NAALADL2: variants seen among roughly 807,000 people sequenced by gnomAD.
NAALADL2 encodes the protein inactive N-acetylated-alpha-linked acidic dipeptidase-like protein 2.
Under a neutral mutation model 87.2 loss-of-function variants are expected in NAALADL2, and 76 were observed. The observed-to-expected ratio is 0.87, with a 90% CI of 0.72 to 1.05. The LOEUF (loss-of-function observed/expected upper bound fraction) is 1.05. NAALADL2 is among the 50% of genes least tolerant of loss of function. The pLI is 0.00. For missense variants in NAALADL2, 1,089 were observed against 945.8 expected, an observed-to-expected ratio of 1.15 and a Z score of -1.99; for synonymous variants, 354 against 331.0, an observed-to-expected ratio of 1.07 and a Z score of -0.75.
At chr3:174,659,176 C>T (rs1238301460) in intron 2 of NAALADL2, among the ~76,000 whole-genome samples, 2 of 152,156 alleles carry the variant, frequency 1.3e-5, no homozygotes, top group Non-Finnish European at 2.9e-5. Context: ...AAATATATGA[C>T]ACTTTATTGG....
At chr3:174,582,501 T>G (rs2108563302) in intron 2 of NAALADL2, among the ~76,000 whole-genome samples, 1 of 152,354 alleles carries the variant, frequency 6.6e-6, no homozygotes, top group African/African-American at 2.4e-5. Flanking sequence ...TATTGGATAA[T>G]ATAGAAACTG....
At chr3:175,316,437 C>A (rs551764565) in intron 4 of NAALADL2, among the ~76,000 whole-genome samples, 100 of 152,206 alleles carry the variant, frequency 6.6e-4, no homozygotes, top group Middle Eastern at 6.8e-3. Context: ...TGGCAAAGGA[C>A]CTCCCAGCCT....
intron 2 of NAALADL2, among the ~76,000 whole-genome samples, chr3:175,110,422 A>G (rs1234412880): frequency 2.6e-5 from 4 of 151,846 alleles, no homozygotes; most frequent in Admixed American, 6.6e-5. Context: ...CCTAACATCA[A>G]TTTATACTGC....
At chr3:175,644,144 A>AT (rs924726887) in intron 11 of NAALADL2, among the ~76,000 whole-genome samples, 23 of 151,958 alleles carry the variant, frequency 1.5e-4, no homozygotes, top group Admixed American at 5.3e-4. Context: ...ATTTTGTGGG[A>AT]TTTTTTTATT....
intron 1 of NAALADL2, among the ~76,000 whole-genome samples, chr3:175,076,479 G>T (rs1450127820): frequency 6.6e-6 from 1 of 151,986 alleles, no homozygotes; most frequent in Non-Finnish European, 1.5e-5. Flanking sequence ...ACAACATTAA[G>T]AAGTAAGAAA....
intron 1 of NAALADL2, among the ~76,000 whole-genome samples, chr3:174,969,289 T>A (rs1743291070): frequency 6.6e-6 from 1 of 152,200 alleles, no homozygotes; most frequent in Admixed American, 6.5e-5. Flanking sequence ...ATCTCCTAGA[T>A]TAGCGTACTT....
chr3:174,954,799 G>A (rs1579706058), intron 1 of NAALADL2, among the ~76,000 whole-genome samples: 2 of 152,066 alleles, frequency 1.3e-5, no homozygotes, highest in South Asian at 2.1e-4. Flanking sequence ...TTCTGTCAGG[G>A]GAACCTATGC....
At chr3:174,518,847 C>T (rs2108406226) in intron 1 of NAALADL2, among the ~76,000 whole-genome samples, 1 of 152,262 alleles carries the variant, frequency 6.6e-6, no homozygotes, top group East Asian at 1.9e-4. Context: ...CTTTCAAAGA[C>T]CATAAGCCTG....
At chr3:175,780,112 C>CAAA (rs397876700) in intron 13 of NAALADL2, among the ~76,000 whole-genome samples, 1 of 133,400 alleles carries the variant, frequency 7.5e-6, no homozygotes, top group Admixed American at 7.5e-5. Context: ...ACTAAAAATA[C>CAAA]AAAAAAAAAA....
At chr3:175,287,758 T>G (rs1274783633) in intron 4 of NAALADL2, among the ~76,000 whole-genome samples, 2 of 152,216 alleles carry the variant, frequency 1.3e-5, no homozygotes, top group African/African-American at 2.4e-5. Flanking sequence ...AGAAATGGAA[T>G]GGATACATTT....
chr3:175,156,366 G>A (rs915423085), intron 2 of NAALADL2, among the ~76,000 whole-genome samples: 5 of 151,774 alleles, frequency 3.3e-5, no homozygotes, highest in Admixed American at 6.6e-5. Context: ...TTAATGTTTC[G>A]CATGAGTGAA....
chr3:175,748,383 T>C (rs1026949009), intron 12 of NAALADL2, among the ~76,000 whole-genome samples: 3 of 152,244 alleles, frequency 2.0e-5, no homozygotes, highest in Non-Finnish European at 4.4e-5. Flanking sequence ...TCTTTAGTGA[T>C]ACCACAAGGT....
At chr3:174,837,837 A>C (rs914138805) in intron 3 of NAALADL2, among the ~76,000 whole-genome samples, 2 of 151,790 alleles carry the variant, frequency 1.3e-5, no homozygotes, top group Non-Finnish European at 2.9e-5. Context: ...AAAAATTACC[A>C]ACACAAAGAA....
chr3:175,051,694 G>A (rs1398461786), intron 1 of NAALADL2, among the ~76,000 whole-genome samples: 4 of 152,164 alleles, frequency 2.6e-5, no homozygotes, highest in African/African-American at 9.7e-5. Flanking sequence ...ATGGAGAAGG[G>A]ATTATACAAA....
chr3:174,569,414 T>A (rs1662762515), intron 2 of NAALADL2, among the ~76,000 whole-genome samples: 1 of 152,072 alleles, frequency 6.6e-6, no homozygotes, highest in African/African-American at 2.4e-5. Context: ...TACAGTTCAA[T>A]GAATTTTGAC....
chr3:174,515,593 A>G (rs1243726289), intron 1 of NAALADL2, among the ~76,000 whole-genome samples: 2 of 152,026 alleles, frequency 1.3e-5, no homozygotes, highest in South Asian at 2.1e-4. Flanking sequence ...ATTAATAAAT[A>G]TTATAGATGT....
At chr3:174,597,325 G>A (rs1436088569) in intron 2 of NAALADL2, among the ~76,000 whole-genome samples, 1 of 152,182 alleles carries the variant, frequency 6.6e-6, no homozygotes, top group Admixed American at 6.5e-5. Flanking sequence ...GGTACCCATT[G>A]CCTAACACAT....
intron 9 of NAALADL2, among the ~76,000 whole-genome samples, chr3:175,535,858 A>G (rs1734745667): frequency 6.6e-6 from 1 of 152,186 alleles, no homozygotes; most frequent in African/African-American, 2.4e-5. Flanking sequence ...AACGGGTGAG[A>G]TCTCAAGCAA....
At chr3:175,801,657 ATC>A (rs1398670805) in intron 13 of NAALADL2, among the ~76,000 whole-genome samples, 1 of 152,104 alleles carries the variant, frequency 6.6e-6, no homozygotes, top group Non-Finnish European at 1.5e-5. Flanking sequence ...GCAATATATC[ATC>A]TGTTATAACT....
Sources: gnomAD v4.1 joint callset for allele counts (sites outside exome capture counted in the v4.1 genomes callset) on GRCh38, gnomAD v4.1.1 for gene constraint, MANE v1.5 for transcripts, NCBI Gene and HGNC (gene_info 2026-07-23, HGNC 2026-07-21) for gene names.